MVB12B: variants seen among roughly 807,000 people sequenced by gnomAD.
MVB12B encodes the protein ESCRT-I complex subunit MVB12B.
MVB12B carries 16 observed loss-of-function variants against 41.6 expected under a neutral mutation model. The observed-to-expected ratio is 0.38, with a 90% CI of 0.26 to 0.58. MVB12B has a LOEUF of 0.58. MVB12B is among the 20% of genes least tolerant of loss of function. The pLI is 0.62. For synonymous variants in MVB12B, 133 were observed against 139.7 expected (o/e 0.95, Z 0.34); for missense variants, 274 against 380.2 (o/e 0.72, Z 2.32).
intron 8 of MVB12B, among the ~76,000 whole-genome samples, chr9:126,482,685 C>G (rs531096289): frequency 6.6e-6 from 1 of 152,356 alleles, no homozygotes; most frequent in Non-Finnish European, 1.5e-5. Context: ...CTCGTTTTGG[C>G]AGCACAGAGA....
intron 7 of MVB12B, among the ~76,000 whole-genome samples, chr9:126,464,012 T>C (rs1833143242): frequency 6.6e-6 from 1 of 152,166 alleles, no homozygotes; most frequent in African/African-American, 2.4e-5. Flanking sequence ...AGAATCCCCA[T>C]TGTGAAGCAG....
At chr9:126,502,774 G>A (rs745708601) in intron 9 of MVB12B, among the ~76,000 whole-genome samples, 51 of 152,214 alleles carry the variant, frequency 3.4e-4, no homozygotes, top group Admixed American at 5.9e-4. Flanking sequence ...CCAGGTTTGG[G>A]GTTGAGAATC....
chr9:126,502,090 C>T (rs1301787775), intron 9 of MVB12B, among the ~76,000 whole-genome samples: 1 of 152,218 alleles, frequency 6.6e-6, no homozygotes, highest in African/African-American at 2.4e-5. Context: ...TATGACAATT[C>T]TACTGCTAAA....
At chr9:126,328,815 C>CA (rs1297945316) in intron 1 of MVB12B, among the ~76,000 whole-genome samples, 1 of 152,042 alleles carries the variant, frequency 6.6e-6, no homozygotes, top group Non-Finnish European at 1.5e-5. Context: ...GACAGGGTCT[C>CA]ACTGTCACTC....
At chr9:126,399,300 C>T (rs1188797529) in intron 6 of MVB12B, among the ~76,000 whole-genome samples, 3 of 152,250 alleles carry the variant, frequency 2.0e-5, no homozygotes, top group African/African-American at 7.2e-5. Flanking sequence ...GACCCAGAGC[C>T]TCTCCATATC....
At chr9:126,453,983 T>C (rs1336245317) in intron 7 of MVB12B, among the ~76,000 whole-genome samples, 1 of 152,118 alleles carries the variant, frequency 6.6e-6, no homozygotes, top group Non-Finnish European at 1.5e-5. Flanking sequence ...AGGGAAAGTC[T>C]AAGTGAGAAA....
At position 126,376,054 on chromosome 9, in the gene MVB12B, CT is replaced by C. The variant is rs1830472398; in HGVS notation, c.205-5007del. 6.6e-6 allele frequency among the ~76,000 whole-genome samples: 1 copy of C among 152,078 alleles called. No individual in the cohort carries two copies. The highest frequency in any genetic ancestry group is 1.5e-5 in the Non-Finnish European group (1 of 67,996). The stretch of plus-strand genomic sequence containing the variant: ...CCCTCCGGTTTTTATTTTAAAAGTT[CT>C]TTCTGAAACTTTTTGTTAGCTGGAT... On this transcript the variant is annotated intron_variant, in intron 2 of 9. Transcript: ENST00000361171. The surrounding 1 kb of genome is among the most constrained non-coding windows in gnomAD (Gnocchi z 4.1).
At position 126,392,019 on chromosome 9, in the gene MVB12B, T is replaced by C; in HGVS notation, c.410-47T>C. 1 of 1,605,180 alleles carries C rather than the reference T, an allele frequency of 6.2e-7. No individual in the cohort carries two copies. Among genetic ancestry groups the C allele is most frequent in the Non-Finnish European group, 8.5e-7 (1 of 1,172,242 alleles). ...GATGTGGTTTTCAGAATAGAGATTC[T>C]GGTATCTCTGGAAAACTCATACCTT... On this transcript the variant is annotated intron_variant, in intron 4 of 9. Transcript: ENST00000361171. This position sits in a 1 kb window ranked among gnomAD's most constrained non-coding sequence, Gnocchi z 4.8.
intron 7 of MVB12B, among the ~76,000 whole-genome samples, chr9:126,463,261 T>G (rs766829484): frequency 2.6e-5 from 4 of 152,114 alleles, no homozygotes; most frequent in Non-Finnish European, 5.9e-5. Flanking sequence ...TTCTAAGGGC[T>G]CCCATCCTCT....
intron 1 of MVB12B, among the ~76,000 whole-genome samples, chr9:126,329,558 G>A (rs1829071367): frequency 6.6e-6 from 1 of 152,206 alleles, no homozygotes; most frequent in African/African-American, 2.4e-5. Flanking sequence ...AGGGAGAAGT[G>A]TAGTCTCTAT....
intron 1 of MVB12B, among the ~76,000 whole-genome samples, chr9:126,337,481 A>T (rs1364090794): frequency 6.6e-6 from 1 of 152,204 alleles, no homozygotes; most frequent in Admixed American, 6.5e-5. Flanking sequence ...AGAGAAAGAA[A>T]AGCTTTGGCA....
At chr9:126,451,737 C>G (rs555639398) in intron 7 of MVB12B, among the ~76,000 whole-genome samples, 5 of 152,194 alleles carry the variant, frequency 3.3e-5, no homozygotes, top group Admixed American at 3.3e-4. Flanking sequence ...GGTGGGTGCC[C>G]GGGACTCATG....
chr9:126,430,233 G>C (rs1832294375), intron 7 of MVB12B, among the ~76,000 whole-genome samples: 1 of 152,132 alleles, frequency 6.6e-6, no homozygotes, highest in Non-Finnish European at 1.5e-5. Context: ...CATTCATTCA[G>C]ACCTCAGACC....
chr9:126,425,774 C>T (rs1401827898), intron 7 of MVB12B, among the ~76,000 whole-genome samples: 1 of 152,206 alleles, frequency 6.6e-6, no homozygotes, highest in Non-Finnish European at 1.5e-5. Flanking sequence ...TCCCTGCCTT[C>T]CTTGCTCTTC....
intron 9 of MVB12B, among the ~76,000 whole-genome samples, chr9:126,487,454 C>T (rs141055163): frequency 8.0e-4 from 122 of 152,244 alleles, no homozygotes; most frequent in African/African-American, 1.8e-3. Context: ...GGTTTAGTGA[C>T]GGGTTAAAAG....
At chr9:126,433,271 C>A (rs998464463) in intron 7 of MVB12B, among the ~76,000 whole-genome samples, 3 of 152,048 alleles carry the variant, frequency 2.0e-5, no homozygotes, top group Non-Finnish European at 4.4e-5. Flanking sequence ...AGCCCCTTCT[C>A]AGATCCTTTC....
chr9:126,496,291 A>T (rs1274289690), intron 9 of MVB12B, among the ~76,000 whole-genome samples: 1 of 48,538 alleles, frequency 2.1e-5, no homozygotes, highest in Non-Finnish European at 4.0e-5. Context: ...CCTTCCACCC[A>T]TCCATACACC....
intron 6 of MVB12B, among the ~76,000 whole-genome samples, chr9:126,401,764 C>T (rs560709886): frequency 5.6e-4 from 85 of 152,384 alleles, no homozygotes; most frequent in African/African-American, 2.0e-3. Flanking sequence ...TCTCCAACCC[C>T]GCCTTCCCTC....
chr9:126,414,833 A>C (rs543671648), intron 6 of MVB12B, among the ~76,000 whole-genome samples: 1 of 150,144 alleles, frequency 6.7e-6, no homozygotes, highest in Non-Finnish European at 1.5e-5. Context: ...TTTTTTTTTT[A>C]ATTTTTATCT....
Sources: allele counts gnomAD v4.1 joint callset (sites outside exome capture counted in the v4.1 genomes callset), GRCh38; gene constraint gnomAD v4.1.1; non-coding constraint Gnocchi (gnomAD v3.1); transcripts MANE v1.5; gene names NCBI Gene and HGNC (gene_info 2026-07-23, HGNC 2026-07-21).